Variants in NRCAM observed in about 807,000 individuals in gnomAD.
NRCAM encodes the protein NgCAM-related cell adhesion molecule.
Under a neutral mutation model 156.5 loss-of-function variants are expected in NRCAM, and 83 were observed. That is an observed-to-expected ratio of 0.53 (90% confidence interval 0.44 to 0.64). The LOEUF is 0.64. NRCAM is among the 30% of genes least tolerant of loss of function. The pLI, the probability that NRCAM is intolerant of heterozygous loss-of-function variation, is 0.00. For missense variants in NRCAM, 1,417 were observed against 1,597.3 expected, an observed-to-expected ratio of 0.89 and a Z score of 1.92; for synonymous variants, 538 against 563.9, an observed-to-expected ratio of 0.95 and a Z score of 0.65.
At chr7:108,446,057 C>T (rs1344804035) in intron 1 of NRCAM, among the ~76,000 whole-genome samples, 4 of 152,078 alleles carry the variant, frequency 2.6e-5, no homozygotes, top group Middle Eastern at 3.2e-3. Flanking sequence ...CAGAGACCTC[C>T]GGAGGAAAAT....
At chr7:108,331,626 G>C (rs1412943247) in intron 2 of NRCAM, among the ~76,000 whole-genome samples, 1 of 152,046 alleles carries the variant, frequency 6.6e-6, no homozygotes, top group Non-Finnish European at 1.5e-5. Flanking sequence ...TCAGTGCCTG[G>C]CACATAGCAG....
chr7:108,452,185 C>T (rs1000611282), intron 1 of NRCAM, among the ~76,000 whole-genome samples: 2 of 152,120 alleles, frequency 1.3e-5, no homozygotes, highest in Non-Finnish European at 2.9e-5. Flanking sequence ...TTCAGTCAAA[C>T]TCATAGAAGC....
intron 26 of NRCAM, among the ~76,000 whole-genome samples, chr7:108,177,084 ACAT>A (rs1386432681): frequency 6.6e-6 from 1 of 152,232 alleles, no homozygotes. Flanking sequence ...AATAACATAG[ACAT>A]CATTTTTCTT....
At chr7:108,303,930 T>C (rs1196876058) in intron 3 of NRCAM, among the ~76,000 whole-genome samples, 4 of 152,224 alleles carry the variant, frequency 2.6e-5, no homozygotes, top group Admixed American at 6.5e-5. Flanking sequence ...TTACACCACA[T>C]TGCAATTACT....
chr7:108,400,184 G>A (rs2099788229), intron 1 of NRCAM, among the ~76,000 whole-genome samples: 1 of 152,210 alleles, frequency 6.6e-6, no homozygotes, highest in African/African-American at 2.4e-5. Context: ...TAAGGTTAAA[G>A]TGGAACAGAA....
chr7:108,416,852 A>G (rs938307605), intron 1 of NRCAM, among the ~76,000 whole-genome samples: 1 of 152,238 alleles, frequency 6.6e-6, no homozygotes, highest in African/African-American at 2.4e-5. Flanking sequence ...TAACCCTTCT[A>G]TCAAACAGCA....
At chr7:108,401,958 G>T (rs2099793989) in intron 1 of NRCAM, among the ~76,000 whole-genome samples, 1 of 152,166 alleles carries the variant, frequency 6.6e-6, no homozygotes, top group African/African-American at 2.4e-5. Flanking sequence ...TTAAATTTCT[G>T]TTGAGAGAGA....
intron 2 of NRCAM, among the ~76,000 whole-genome samples, chr7:108,319,637 G>T (rs1327462542): frequency 6.6e-6 from 1 of 152,190 alleles, no homozygotes; most frequent in Non-Finnish European, 1.5e-5. Context: ...TAAGGCAGGG[G>T]TGTGTGGTGC....
intron 3 of NRCAM, among the ~76,000 whole-genome samples, chr7:108,271,132 GTATAT>G (rs2097330086): frequency 6.6e-6 from 1 of 152,172 alleles, no homozygotes; most frequent in South Asian, 2.1e-4. Context: ...GATAAATTAT[GTATAT>G]TATGTTATGC....
At chr7:108,231,672 TAGAA>T (rs879927730) in intron 7 of NRCAM, among the ~76,000 whole-genome samples, 2 of 152,126 alleles carry the variant, frequency 1.3e-5, no homozygotes, top group South Asian at 2.1e-4. Flanking sequence ...TAGGAAAAAA[TAGAA>T]AGAATATTTC....
At chr7:108,317,113 G>A (rs2098935915) in intron 2 of NRCAM, among the ~76,000 whole-genome samples, 2 of 152,176 alleles carry the variant, frequency 1.3e-5, no homozygotes, top group Admixed American at 6.5e-5. Context: ...TGGGTGAAGA[G>A]TAGAGATCCT....
intron 3 of NRCAM, among the ~76,000 whole-genome samples, chr7:108,252,060 G>C (rs905333414): frequency 1.3e-5 from 2 of 152,214 alleles, no homozygotes; most frequent in African/African-American, 4.8e-5. Context: ...ATCAGAAAGA[G>C]TACCAGGGAG....
chr7:108,299,113 A>AAAAAAG (rs1554479786), intron 3 of NRCAM, among the ~76,000 whole-genome samples: 1 of 90,478 alleles, frequency 1.1e-5, no homozygotes, highest in Admixed American at 1.1e-4. Context: ...CTCAAAAAAA[A>AAAAAAG]AAAAGAAAGA....
chr7:108,405,274 C>T (rs1023868491), intron 1 of NRCAM, among the ~76,000 whole-genome samples: 4 of 152,194 alleles, frequency 2.6e-5, no homozygotes, highest in African/African-American at 7.2e-5. Context: ...CAGTTTGCAT[C>T]GTACAAACTC....
At chr7:108,301,202 T>G (rs979670962) in intron 3 of NRCAM, among the ~76,000 whole-genome samples, 19 of 152,232 alleles carry the variant, frequency 1.2e-4, no homozygotes, top group African/African-American at 4.3e-4. Context: ...TGAACAAAGA[T>G]TTCCCATTCC....
intron 13 of NRCAM, among the ~76,000 whole-genome samples, chr7:108,199,802 C>T (rs894651977): frequency 2.0e-5 from 3 of 152,130 alleles, no homozygotes; most frequent in Non-Finnish European, 4.4e-5. Context: ...TGTAAGGTGA[C>T]ATATTCATAG....
At chr7:108,177,400 GA>G (rs1203242896) in intron 26 of NRCAM, among the ~76,000 whole-genome samples, 1 of 152,100 alleles carries the variant, frequency 6.6e-6, no homozygotes, top group Non-Finnish European at 1.5e-5. Context: ...GAGGTGGGCA[GA>G]TCACGAGGTC....
Position 108,291,118 on chromosome 7 carries a change from A to G in NRCAM, c.-107+21547T>C, listed in dbSNP as rs150889314. Among the ~76,000 whole-genome samples the G allele has an allele frequency of 7.6e-4, 115 of 152,262 alleles. No homozygotes were observed. The East Asian group carries it at 0.02, about 26-fold the overall frequency. ...TGACAGATAAAATATAGAAGATCAA[A>G]AGAAAAGGGCTGCATTTCTGGGCAA... On this transcript the variant is annotated intron_variant, in intron 3 of 32. Coordinates refer to ENST00000379028, the MANE Select transcript of NRCAM (RefSeq NM_001037132.4).
At chr7:108,340,335 A>T (rs536680860) in intron 2 of NRCAM, among the ~76,000 whole-genome samples, 55 of 152,216 alleles carry the variant, frequency 3.6e-4, no homozygotes, top group Admixed American at 8.5e-4. Flanking sequence ...GACTTGAAGC[A>T]AATTAAAATA....
Sources: allele counts gnomAD v4.1 joint callset (sites outside exome capture counted in the v4.1 genomes callset), GRCh38; gene constraint gnomAD v4.1.1; transcripts MANE v1.5; gene names NCBI Gene and HGNC (gene_info 2026-07-23, HGNC 2026-07-21).